Variants in UBAC2 observed in about 807,000 individuals in gnomAD.
UBAC2 encodes UBA domain containing 2.
UBAC2 carries 26 observed loss-of-function variants against 44.0 expected under a neutral mutation model. The observed-to-expected ratio is 0.59, with a 90% CI of 0.43 to 0.82. The LOEUF (loss-of-function observed/expected upper bound fraction) is 0.82. Among genes scored for constraint, UBAC2 ranks in the 40% least tolerant of loss-of-function variants. UBAC2 has a pLI of 0.00. For missense variants in UBAC2, 329 were observed against 419.4 expected, an observed-to-expected ratio of 0.78 and a Z score of 1.88; for synonymous variants, 155 against 154.3, an observed-to-expected ratio of 1.00 and a Z score of -0.04.
At chr13:99,301,543 T>C (rs531797275) in intron 4 of UBAC2, among the ~76,000 whole-genome samples, 1 of 152,234 alleles carries the variant, frequency 6.6e-6, no homozygotes, top group Non-Finnish European at 1.5e-5. Context: ...ATGTATTTCA[T>C]TGCTAATAGA....
intron 1 of UBAC2, chr13:99,215,334 A>G (rs970572782): frequency 9.6e-6 from 8 of 836,744 alleles, no homozygotes; most frequent in Non-Finnish European, 1.7e-5. Context: ...CTGTTCTTTT[A>G]TTTAGAGTCC....
At chr13:99,336,698 A>G (rs1020749730) in intron 6 of UBAC2, among the ~76,000 whole-genome samples, 5 of 152,200 alleles carry the variant, frequency 3.3e-5, no homozygotes, top group African/African-American at 1.2e-4. Context: ...ACTTTATAGT[A>G]TGTCTTGAAA....
chr13:99,246,609 C>T (rs539962336), intron 4 of UBAC2, among the ~76,000 whole-genome samples: 3 of 152,136 alleles, frequency 2.0e-5, no homozygotes, highest in Non-Finnish European at 4.4e-5. Flanking sequence ...CACATGGAAT[C>T]GAATGACAGT....
chr13:99,303,886 G>C (rs141885137), intron 4 of UBAC2, among the ~76,000 whole-genome samples: 274 of 152,256 alleles, frequency 1.8e-3, no homozygotes, highest in African/African-American at 6.0e-3. Flanking sequence ...TCGTGAAGGC[G>C]CCCAGGACTC....
At chr13:99,224,491 G>A (rs531386758) in intron 1 of UBAC2, among the ~76,000 whole-genome samples, 2 of 152,172 alleles carry the variant, frequency 1.3e-5, no homozygotes, top group East Asian at 1.9e-4. Flanking sequence ...ATTTATCTAC[G>A]TCCCATTTCA....
intron 1 of UBAC2, among the ~76,000 whole-genome samples, chr13:99,235,665 G>A (rs1350336510): frequency 6.6e-6 from 1 of 152,180 alleles, no homozygotes; most frequent in South Asian, 2.1e-4. Flanking sequence ...ATGGAGAAAC[G>A]ACAGTCCCTT....
chr13:99,313,982 A>G, intron 4 of UBAC2, 115 bp from the exon 5 acceptor site: 2 of 1,010,888 alleles, frequency 2.0e-6, no homozygotes, highest in Non-Finnish European at 1.4e-6. Flanking sequence ...ATGTATATCT[A>G]AGACCATGCT....
intron 6 of UBAC2, among the ~76,000 whole-genome samples, chr13:99,318,792 A>C (rs2044529041): frequency 7.2e-6 from 1 of 138,862 alleles, no homozygotes; most frequent in South Asian, 2.4e-4. Flanking sequence ...ATTGCTCTCC[A>C]GCCTGGGCGA....
At position 99,325,098 on chromosome 13, in the gene UBAC2, C is replaced by CTT. The variant is rs55672515; in HGVS notation, c.561+7050_561+7051dup. On this transcript the variant is annotated intron_variant, in intron 6 of 8. Transcript: ENST00000403766. Reference sequence around the variant, plus strand: ...GTAGCATAACTTTAGTGTCTATGCTCTTTTTTTTTTTTTTTTTTTTTTGAT... The same window carrying CTT: ...GTAGCATAACTTTAGTGTCTATGCTCTTTTTTTTTTTTTTTTTTTTTTTTGAT... 6.9e-3 allele frequency among the ~76,000 whole-genome samples: 597 copies of CTT among 86,118 alleles called. 19 individuals are homozygous for CTT. Among genetic ancestry groups the CTT allele is most frequent in the Non-Finnish European group, 0.01 (485 of 46,494 alleles). 56.5% of individuals were successfully genotyped at this position (86,118 alleles called of 152,430 possible).
At chr13:99,322,629 C>A (rs542361044) in intron 6 of UBAC2, among the ~76,000 whole-genome samples, 1 of 152,254 alleles carries the variant, frequency 6.6e-6, no homozygotes, top group South Asian at 2.1e-4. Flanking sequence ...TTGTCATGTA[C>A]AGTATATCAG....
chr13:99,272,495 C>T (rs755032636), intron 4 of UBAC2, among the ~76,000 whole-genome samples: 4 of 152,156 alleles, frequency 2.6e-5, no homozygotes, highest in Admixed American at 1.3e-4. Context: ...TTAGTAAACT[C>T]GTGCTGTCAT....
chr13:99,312,781 G>C (rs945740180), intron 4 of UBAC2: 1 of 153,634 alleles, frequency 6.5e-6, no homozygotes, highest in East Asian at 1.9e-4. Context: ...GGGAGCAGCT[G>C]TGTGGATTTT....
intron 1 of UBAC2, among the ~76,000 whole-genome samples, chr13:99,209,629 C>G (rs1338339471): frequency 2.0e-5 from 3 of 152,190 alleles, no homozygotes; most frequent in African/African-American, 7.2e-5. Context: ...CCCCACCAGT[C>G]TTAAGTTTTT....
chr13:99,233,282 T>G (rs568557522), intron 1 of UBAC2, among the ~76,000 whole-genome samples: 32 of 152,106 alleles, frequency 2.1e-4, no homozygotes, highest in Non-Finnish European at 2.9e-5. Flanking sequence ...CCAGCTAATT[T>G]TTGTATTTTT....
rs869067528 is a variant in UBAC2 at position 99,285,393 on chromosome 13, C to CT, written c.390-28690dup. Among the ~76,000 whole-genome samples, 1,061 of 139,550 alleles carry CT rather than the reference C, an allele frequency of 7.6e-3. 5 individuals carry two copies. Among genetic ancestry groups the CT allele is most frequent in the African/African-American group, 0.017 (664 of 38,112 alleles). 91.6% of individuals were successfully genotyped at this position (139,550 alleles called of 152,430 possible). ...CTCATTATTTATTATTACCTTTCTT[C>CT]TTTTTTTTTTTTTTAAGAGACAATT... is the stretch of plus-strand genomic sequence containing the variant. On this transcript the variant is annotated intron_variant, in intron 4 of 8. Transcript: ENST00000403766.
intron 8 of UBAC2, among the ~76,000 whole-genome samples, chr13:99,374,554 G>A (rs2045454984): frequency 6.6e-6 from 1 of 152,174 alleles, no homozygotes; most frequent in Non-Finnish European, 1.5e-5. Flanking sequence ...CTGATAAATA[G>A]CAAAATGTAT....
intron 1 of UBAC2, among the ~76,000 whole-genome samples, chr13:99,203,955 A>G (rs1274676041): frequency 6.6e-6 from 1 of 152,230 alleles, no homozygotes; most frequent in Middle Eastern, 3.2e-3. Context: ...GCTGTCTGCA[A>G]TTATGACCGG....
intron 4 of UBAC2, among the ~76,000 whole-genome samples, chr13:99,291,894 G>T (rs980352740): frequency 6.6e-6 from 1 of 152,206 alleles, no homozygotes; most frequent in Non-Finnish European, 1.5e-5. Context: ...GACCTTCAAT[G>T]TGTAGGTTCT....
chr13:99,297,459 C>T (rs1391865130), intron 4 of UBAC2, among the ~76,000 whole-genome samples: 1 of 152,026 alleles, frequency 6.6e-6, no homozygotes, highest in Admixed American at 6.6e-5. Context: ...TGCTTCTCTC[C>T]CTGCTGTATT....
Sources: gnomAD v4.1 joint callset for allele counts (sites outside exome capture counted in the v4.1 genomes callset) on GRCh38, gnomAD v4.1.1 for gene constraint, MANE v1.5 for transcripts, NCBI Gene and HGNC (gene_info 2026-07-23, HGNC 2026-07-21) for gene names.